Variants in CROT observed in about 807,000 individuals in gnomAD.
CROT encodes peroxisomal carnitine O-octanoyltransferase.
In CROT, 84 loss-of-function variants were observed where a neutral mutation model predicts 89.2. The ratio of observed to expected loss-of-function variants is 0.94; its 90% CI spans 0.79 to 1.13. CROT has a LOEUF of 1.13. Among genes scored for constraint, CROT ranks in the 50% most tolerant of loss-of-function variants. The probability of loss-of-function intolerance (pLI) is 0.00; values close to 1 mark genes in which losing one functional copy is unlikely to be tolerated. For missense variants in CROT, 711 were observed against 727.8 expected, an observed-to-expected ratio of 0.98 and a Z score of 0.27; for synonymous variants, 212 against 239.5, an observed-to-expected ratio of 0.89 and a Z score of 1.06.
chr7:87,373,948 T>G (rs891199983), intron 7 of CROT, among the ~76,000 whole-genome samples: 2 of 152,062 alleles, frequency 1.3e-5, no homozygotes, highest in African/African-American at 4.8e-5. Context: ...CATTCTATAA[T>G]GAGGAAAATT....
At chr7:87,372,008 A>AAAAAAAAAAAAAC (rs1806656107) in intron 7 of CROT, among the ~76,000 whole-genome samples, 3 of 42,092 alleles carry the variant, frequency 7.1e-5, no homozygotes, top group Non-Finnish European at 9.5e-5. Context: ...AAAAAAAAAC[A>AAAAAAAAAAAAAC]AAAAAAAAAA....
At chr7:87,345,825 A>G (rs990590498) in intron 1 of CROT, 58 bp downstream of exon 1, 3 of 186,224 alleles carry the variant, frequency 1.6e-5, no homozygotes, top group African/African-American at 3.0e-5. Flanking sequence ...GGCGGGGGAA[A>G]GTTAAGTCGT....
intron 6 of CROT, among the ~76,000 whole-genome samples, chr7:87,363,761 T>G (rs1806354659): frequency 6.6e-6 from 1 of 152,186 alleles, no homozygotes; most frequent in African/African-American, 2.4e-5. Flanking sequence ...AGAATAGACT[T>G]TTAGAGGTGA....
intron 13 of CROT, among the ~76,000 whole-genome samples, chr7:87,390,260 AGT>A (rs1271097605): frequency 6.6e-6 from 1 of 152,164 alleles, no homozygotes; most frequent in Non-Finnish European, 1.5e-5. Context: ...TAAGATTAAG[AGT>A]GTGTTTACTT....
chr7:87,397,290 G>A (rs1807562637), intron 17 of CROT, among the ~76,000 whole-genome samples: 2 of 151,566 alleles, frequency 1.3e-5, no homozygotes, highest in South Asian at 2.1e-4. Flanking sequence ...GATGGAGGTT[G>A]CAGTGAGCTG....
In CROT at chr7:87,351,186, G is replaced by T. The variant is rs7793183; in HGVS notation, c.115+2003G>T. Among the ~76,000 whole-genome samples the T allele has an allele frequency of 7.2e-3, 1,097 of 151,700 alleles. 11 individuals carry two copies. Among genetic ancestry groups the T allele is most frequent in the African/African-American group, 0.025 (1,028 of 41,304 alleles). ...TAGCCAGGCGTGGTGGCGGGCCCTT[G>T]TAGTCCCAGCTACTCAGGAGCCTGA... On this transcript the variant is annotated intron_variant, in intron 3 of 17. Coordinates refer to ENST00000331536, the MANE Select transcript of CROT (RefSeq NM_021151.4).
intron 13 of CROT, among the ~76,000 whole-genome samples, chr7:87,387,367 A>G (rs1383090232): frequency 6.7e-6 from 1 of 150,216 alleles, no homozygotes; most frequent in South Asian, 2.1e-4. Flanking sequence ...CTTGCTCTTT[A>G]TTTTCTAGTT....
chr7:87,377,874 C>T (rs959033757), intron 10 of CROT, among the ~76,000 whole-genome samples: 3 of 152,106 alleles, frequency 2.0e-5, no homozygotes, highest in Admixed American at 6.6e-5. Context: ...ATCTTTGGAA[C>T]ACTATTTAGG....
chr7:87,360,832 T>C (rs1404331310), intron 4 of CROT, among the ~76,000 whole-genome samples: 1 of 152,240 alleles, frequency 6.6e-6, no homozygotes, highest in Non-Finnish European at 1.5e-5. Context: ...AGGTATCTTT[T>C]GGTGCTTTCT....
intron 6 of CROT, among the ~76,000 whole-genome samples, chr7:87,364,779 AAAG>A (rs1806387697): frequency 6.6e-6 from 1 of 152,320 alleles, no homozygotes; most frequent in Admixed American, 6.5e-5. Flanking sequence ...TGACAGGATC[AAAG>A]AAGAGAGGCA....
intron 6 of CROT, among the ~76,000 whole-genome samples, chr7:87,364,127 A>G (rs76817618): frequency 0.014 from 2,119 of 152,280 alleles, 48 homozygotes; most frequent in African/African-American, 0.048. Flanking sequence ...GGAAATGTAC[A>G]TAGGCAGTTG....
chr7:87,346,125 G>T (rs1805664395), intron 1 of CROT, among the ~76,000 whole-genome samples: 1 of 152,196 alleles, frequency 6.6e-6, no homozygotes, highest in Admixed American at 6.5e-5. Flanking sequence ...CCGTCTAATG[G>T]AAGGTGTACT....
Position 87,348,820 on chromosome 7 carries a change from T to C in CROT, c.-21-228T>C, listed in dbSNP as rs547437928. Among the ~76,000 whole-genome samples the C allele has an allele frequency of 3.3e-4, 51 of 152,364 alleles. 1 individual carries two copies. The highest frequency in any genetic ancestry group is 1.2e-3 in the African/African-American group (50 of 41,588). On this transcript the variant is annotated intron_variant, in intron 2 of 17. Coordinates refer to ENST00000331536, the MANE Select transcript of CROT (RefSeq NM_021151.4). The stretch of plus-strand genomic sequence containing the variant: ...AGGTGTTCAATAAATGGTAACTAAT[T>C]ATACCAGTCCCACTGATCACTCTTT...
chr7:87,375,520 T>G, intron 7 of CROT, 112 bp from the exon 8 acceptor site: 1 of 675,672 alleles, frequency 1.5e-6, no homozygotes, highest in South Asian at 2.2e-5. Flanking sequence ...GTGGTTTCTT[T>G]GGGTAATATA....
intron 6 of CROT, 126 bp downstream of exon 6, chr7:87,361,978 G>A (rs1198732662): frequency 1.2e-6 from 1 of 813,866 alleles, no homozygotes; most frequent in Non-Finnish European, 1.8e-6. Flanking sequence ...AAGGTTTTCT[G>A]TGAGCCTTAT....
intron 3 of CROT, among the ~76,000 whole-genome samples, chr7:87,356,864 A>T (rs763390673): frequency 1.3e-5 from 2 of 152,174 alleles, no homozygotes; most frequent in Non-Finnish European, 2.9e-5. Context: ...TCTACTAAAA[A>T]TACAAAAATT....
intron 13 of CROT, among the ~76,000 whole-genome samples, chr7:87,385,939 A>G (rs1807170514): frequency 6.6e-6 from 1 of 152,198 alleles, no homozygotes; most frequent in Non-Finnish European, 1.5e-5. Flanking sequence ...TGAAATGATT[A>G]TAGGGTTTTT....
In CROT at chr7:87,391,717, G is replaced by A. The variant is rs1453667995; in HGVS notation, c.1425+5G>A. 5 of 1,599,760 alleles carry A rather than the reference G, an allele frequency of 3.1e-6. No individual in the cohort carries two copies. In the South Asian group the frequency reaches 4.6e-5, roughly 15 times the overall value. On this transcript the variant is annotated splice_donor_5th_base_variant and intron_variant, in intron 14 of 17. Transcript: ENST00000331536. ...ATGCAGGATCCTTCTGTCAATGTGAGTATTGGAAAGGAAAAAAACTCACAA... is the reference window on the plus strand; with the variant it reads ...ATGCAGGATCCTTCTGTCAATGTGAATATTGGAAAGGAAAAAAACTCACAA...
Position 87,392,650 on chromosome 7 carries a change from T to C in CROT, c.1504+6T>C, listed in dbSNP as rs534931037. The C allele has an allele frequency of 1.1e-5, 17 of 1,612,390 alleles. No homozygotes were observed. In the South Asian group the frequency reaches 1.8e-4, roughly 17 times the overall value. On this transcript the variant is annotated splice_donor_region_variant and intron_variant, in intron 15 of 17. Coordinates refer to ENST00000331536, the MANE Select transcript of CROT (RefSeq NM_021151.4). ...AGATTGTTCAGCTGGAAAAGGTACTTAAGTTAAAATTTTTCTGACTTAAAA... is the reference window on the plus strand; with the variant it reads ...AGATTGTTCAGCTGGAAAAGGTACTCAAGTTAAAATTTTTCTGACTTAAAA...
Sources: allele counts gnomAD v4.1 joint callset (sites outside exome capture counted in the v4.1 genomes callset), GRCh38; gene constraint gnomAD v4.1.1; transcripts MANE v1.5; gene names NCBI Gene and HGNC (gene_info 2026-07-23, HGNC 2026-07-21).